Variants in SUSD1 observed in about 807,000 individuals in gnomAD.
SUSD1 encodes sushi domain-containing protein 1.
A neutral mutation model predicts 86.9 loss-of-function variants in SUSD1; 65 were observed. The ratio of observed to expected loss-of-function variants is 0.75; its 90% CI spans 0.61 to 0.92. SUSD1 has a LOEUF of 0.92. Ranked by LOEUF, SUSD1 falls within the 40% of genes least tolerant of loss-of-function variation. The pLI, the probability that SUSD1 is intolerant of heterozygous loss-of-function variation, is 0.00. For missense variants in SUSD1, 850 were observed against 929.7 expected (o/e 0.91, Z 1.11); for synonymous variants, 346 against 350.0 (o/e 0.99, Z 0.13).
intron 2 of SUSD1, among the ~76,000 whole-genome samples, chr9:112,149,853 A>G (rs1302353784): frequency 6.6e-6 from 1 of 152,140 alleles, no homozygotes; most frequent in Non-Finnish European, 1.5e-5. Flanking sequence ...AAGAAACACA[A>G]TGGAATTAGT....
chr9:112,076,949 T>A (rs1027204727), intron 12 of SUSD1, among the ~76,000 whole-genome samples: 1 of 152,150 alleles, frequency 6.6e-6, no homozygotes, highest in Non-Finnish European at 1.5e-5. Context: ...TGAAGACGTA[T>A]GTTTCCCACG....
At chr9:112,052,298 C>A (rs1302211154) in intron 15 of SUSD1, 101 bp downstream of exon 15, 1 of 1,602,558 alleles carries the variant, frequency 6.2e-7, no homozygotes, top group Non-Finnish European at 8.5e-7. Context: ...GAATTGGGTT[C>A]TGGTCACCAG....
intron 5 of SUSD1, among the ~76,000 whole-genome samples, chr9:112,141,201 T>C (rs757951732): frequency 6.6e-6 from 1 of 152,230 alleles, no homozygotes; most frequent in African/African-American, 2.4e-5. Flanking sequence ...ACACCAGCAA[T>C]GCCACAAACA....
chr9:112,143,574 G>T lies in SUSD1; in HGVS notation c.423C>A (p.Cys141Ter). ...ATTCAAAGCTCCCATGAGTGTTCACGCATCGCCCTCCATGCCTGCACAGGC... is the reference window on the plus strand; with the variant it reads ...ATTCAAAGCTCCCATGAGTGTTCACTCATCGCCCTCCATGCCTGCACAGGC... Reference protein sequence around the residue: ...VSGLCRHGGRCVNTHGSFECY... With the variant: ...VSGLCRHGGR The change falls in exon 4 of 17, where the codon TGC (cysteine) becomes TGA (stop). Residue 141 changes from cysteine (C) to a stop codon, truncating the protein, a stop_gained. Transcript: ENST00000374270. LOFTEE classifies it high-confidence loss of function. The T allele has an allele frequency of 6.2e-7, 1 of 1,613,800 alleles. No individual in the cohort carries two copies. Among genetic ancestry groups the T allele is most frequent in the Non-Finnish European group, 8.5e-7 (1 of 1,179,954 alleles).
rs375864022 is a variant in SUSD1, at chr9:112,119,349, C to T, written c.886+4908G>A. 5.8e-4 allele frequency among the ~76,000 whole-genome samples: 88 copies of T among 152,296 alleles called. 3 individuals are homozygous for T. In the South Asian group the frequency reaches 0.018, roughly 31 times the overall value. On this transcript the variant is annotated intron_variant, in intron 6 of 16. Transcript: ENST00000374270. Reference sequence around the variant, plus strand: ...AATGTATCCATTTATTCCGGCTGACCTTTCTGTTCCATCTGAAATGTGTGT... The same window carrying T: ...AATGTATCCATTTATTCCGGCTGACTTTTCTGTTCCATCTGAAATGTGTGT...
At position 112,052,417 on chromosome 9, in the gene SUSD1, C is replaced by T. The variant is rs746075215; in HGVS notation, c.2131G>A (p.Val711Ile). The change falls in exon 15 of 17, where the codon GTT becomes ATT. Residue 711 changes from valine (V) to isoleucine (I), a missense_variant. Coordinates refer to ENST00000374270, the MANE Select transcript of SUSD1 (RefSeq NM_022486.5). The part of the protein sequence containing the change: ...WNKVRRHSCA[V>I]WAQVKDSSLM... ...ATTTTACCTTTCACCTGAGCCCAAACTGCACAGGAGTGTCTTCTCACCTAT... is the reference window on the plus strand; with the variant it reads ...ATTTTACCTTTCACCTGAGCCCAAATTGCACAGGAGTGTCTTCTCACCTAT... 1.9e-6 allele frequency: 3 copies of T among 1,614,140 alleles called. No individual in the cohort carries two copies. Among genetic ancestry groups the T allele is most frequent in the Admixed American group, 1.7e-5 (1 of 60,020 alleles).
chr9:112,165,794 AAG>A (rs1210380362), intron 1 of SUSD1, among the ~76,000 whole-genome samples: 1 of 148,960 alleles, frequency 6.7e-6, no homozygotes, highest in Non-Finnish European at 1.5e-5. Flanking sequence ...AAAGAAAGGA[AAG>A]AGAGAAAGAG....
intron 14 of SUSD1, among the ~76,000 whole-genome samples, chr9:112,057,378 A>G (rs1277128636): frequency 6.6e-6 from 1 of 152,232 alleles, no homozygotes. Flanking sequence ...TCTCTGAACC[A>G]TCTCTAAATT....
At chr9:112,070,163 A>C (rs1829199643) in intron 12 of SUSD1, among the ~76,000 whole-genome samples, 1 of 151,862 alleles carries the variant, frequency 6.6e-6, no homozygotes, top group East Asian at 1.9e-4. Flanking sequence ...GCACCACCAC[A>C]CACGGCTGAT....
At chr9:112,159,356 C>T (rs1833469503) in intron 1 of SUSD1, among the ~76,000 whole-genome samples, 1 of 152,154 alleles carries the variant, frequency 6.6e-6, no homozygotes, top group East Asian at 1.9e-4. Context: ...CCAACTGAGA[C>T]TAGGGATTTC....
At chr9:112,141,534 G>A (rs1308108966) in intron 5 of SUSD1, among the ~76,000 whole-genome samples, 1 of 151,546 alleles carries the variant, frequency 6.6e-6, no homozygotes. Flanking sequence ...AAAATTAGCC[G>A]GGTGTAGTGG....
chr9:112,048,514 A>G (rs1240241136), intron 15 of SUSD1, among the ~76,000 whole-genome samples: 2 of 152,168 alleles, frequency 1.3e-5, no homozygotes, highest in African/African-American at 2.4e-5. Flanking sequence ...TTCATTTCCC[A>G]TAAAACTAAC....
chr9:112,048,219 C>A (rs1023335871), intron 15 of SUSD1, among the ~76,000 whole-genome samples: 1 of 152,178 alleles, frequency 6.6e-6, no homozygotes, highest in Admixed American at 6.5e-5. Flanking sequence ...TATTCGGGAG[C>A]TTAAGTACAT....
chr9:112,080,603 G>A (rs988762271), intron 10 of SUSD1, among the ~76,000 whole-genome samples: 4 of 151,088 alleles, frequency 2.6e-5, no homozygotes, highest in African/African-American at 9.8e-5. Flanking sequence ...CAGGAGAATC[G>A]CTTGAACCTG....
rs1458159269 is a variant in SUSD1, at chr9:112,058,699, A to C, written c.1851-13T>G. 15 of 1,613,066 alleles carry C rather than the reference A, an allele frequency of 9.3e-6. No homozygotes were observed. The highest frequency in any genetic ancestry group is 1.3e-5 in the Non-Finnish European group (15 of 1,179,466). On this transcript the variant is annotated splice_polypyrimidine_tract_variant and intron_variant, in intron 13 of 16. Coordinates refer to ENST00000374270, the MANE Select transcript of SUSD1 (RefSeq NM_022486.5). ...CACCTGATATGAACTGGAAGAAAAA[A>C]GGAGAAGTGTCCATCAGACCCTTGC...
rs140509107 is a variant in SUSD1 at position 112,121,630 on chromosome 9, T to C, written c.886+2627A>G. On this transcript the variant is annotated intron_variant, in intron 6 of 16. Transcript: ENST00000374270. Reference sequence around the variant, plus strand: ...ATAATCCCCAGGGGCCTACATGTCTTGTTTGCTCTGGCCAGAATTTCCGAT... The same window carrying C: ...ATAATCCCCAGGGGCCTACATGTCTCGTTTGCTCTGGCCAGAATTTCCGAT... 1.4e-3 allele frequency among the ~76,000 whole-genome samples: 216 copies of C among 152,336 alleles called. 3 individuals carry two copies. The East Asian group carries it at 0.017, about 12-fold the overall frequency.
At chr9:112,062,329 C>T (rs968281908) in intron 13 of SUSD1, among the ~76,000 whole-genome samples, 5 of 152,154 alleles carry the variant, frequency 3.3e-5, no homozygotes, top group African/African-American at 1.2e-4. Flanking sequence ...GACGTTTACC[C>T]AGGGACCAAA....
chr9:112,090,181 T>C (rs1226941556), intron 10 of SUSD1, among the ~76,000 whole-genome samples: 5 of 152,190 alleles, frequency 3.3e-5, no homozygotes, highest in Non-Finnish European at 5.9e-5. Flanking sequence ...AAATGATCAC[T>C]GAGACAGAAG....
At chr9:112,161,816 C>A in intron 1 of SUSD1, among the ~76,000 whole-genome samples, 1 of 95,792 alleles carries the variant, frequency 1.0e-5, no homozygotes, top group Non-Finnish European at 2.1e-5. Context: ...AGCAAGACTC[C>A]ATCCAAAAAA....
Sources: allele counts gnomAD v4.1 joint callset (sites outside exome capture counted in the v4.1 genomes callset), GRCh38; gene constraint gnomAD v4.1.1; transcripts MANE v1.5; gene names NCBI Gene and HGNC (gene_info 2026-07-23, HGNC 2026-07-21).